Variants in MBNL3 observed in about 807,000 individuals in gnomAD.
MBNL3 encodes the protein muscleblind-like protein 3.
In MBNL3, 6 loss-of-function variants were observed where a neutral mutation model predicts 24.5. That is an observed-to-expected ratio of 0.25 (90% CI 0.13 to 0.48). MBNL3 has a LOEUF of 0.48. Ranked by LOEUF, MBNL3 falls within the 20% of genes least tolerant of loss-of-function variation. MBNL3 has a pLI of 0.99. For synonymous variants in MBNL3, 100 were observed against 101.7 expected (o/e 0.98, Z 0.10); for missense variants, 230 against 293.5 (o/e 0.78, Z 1.58).
At chrX:132,455,059 A>G (rs1946303990) in intron 1 of MBNL3, among the ~76,000 whole-genome samples, 1 of 112,417 alleles carries the variant, frequency 8.9e-6, no homozygotes, top group Non-Finnish European at 1.9e-5. Flanking sequence ...TTGGCCAAGT[A>G]GTCAATGTCC....
At chrX:132,400,338 G>A (rs1940663795) in intron 3 of MBNL3, among the ~76,000 whole-genome samples, 1 of 111,968 alleles carries the variant, frequency 8.9e-6, no homozygotes, top group Admixed American at 9.5e-5. Flanking sequence ...TCTATTAACA[G>A]AGATGGGGCA....
At chrX:132,451,183 A>G (rs1003587748) in intron 1 of MBNL3, among the ~76,000 whole-genome samples, 1 of 112,740 alleles carries the variant, frequency 8.9e-6, no homozygotes, top group Non-Finnish European at 1.9e-5. Context: ...GTCCCTTAGC[A>G]GAGCTCAAGC....
In MBNL3 at chrX:132,440,321, G is replaced by GA. The variant is rs748752126; in HGVS notation, c.-703-8dup. Among the ~76,000 whole-genome samples, 1 of 110,631 alleles carries GA rather than the reference G, an allele frequency of 9.0e-6. No homozygotes were observed. The highest frequency in any genetic ancestry group is 3.3e-5 in the African/African-American group (1 of 30,433). ...AAAAGGCACTTTTCAGAACCTGCAA[G>GA]AAAAAAATAAATAAAATTAGCTAAA... On this transcript the variant is annotated splice_region_variant and splice_polypyrimidine_tract_variant and intron_variant, in intron 1 of 8. Coordinates refer to ENST00000370853, the MANE Select transcript of MBNL3 (RefSeq NM_001386889.1).
chrX:132,389,772 G>A (rs749442616), intron 5 of MBNL3, among the ~76,000 whole-genome samples: 1 of 111,515 alleles, frequency 9.0e-6, no homozygotes, highest in South Asian at 3.8e-4. Context: ...CTTAAGTCAC[G>A]AGAATTCCTG....
chrX:132,466,513 T>A (rs1946892185), intron 1 of MBNL3, among the ~76,000 whole-genome samples: 1 of 112,366 alleles, frequency 8.9e-6, no homozygotes, highest in African/African-American at 3.2e-5. Flanking sequence ...AGGTATTGAA[T>A]CAAGAGTCTT....
intron 1 of MBNL3, among the ~76,000 whole-genome samples, chrX:132,465,041 T>C (rs1946818063): frequency 9.0e-6 from 1 of 111,604 alleles, no homozygotes; most frequent in African/African-American, 3.3e-5. Flanking sequence ...CAGGACTCCA[T>C]CTCAAAGTAA....
chrX:132,433,213 G>A (rs1258428678), intron 2 of MBNL3, among the ~76,000 whole-genome samples: 1 of 111,743 alleles, frequency 8.9e-6, no homozygotes, highest in Non-Finnish European at 1.9e-5. Context: ...CTACCAACTG[G>A]CCATGGCAAC....
chrX:132,383,609 A>G (rs1935422597), intron 7 of MBNL3, among the ~76,000 whole-genome samples: 1 of 112,349 alleles, frequency 8.9e-6, no homozygotes, highest in African/African-American at 3.2e-5. Context: ...GTTGGTATTA[A>G]TGGAAATGTT....
chrX:132,441,508 T>C (rs1308396996), intron 1 of MBNL3, among the ~76,000 whole-genome samples: 1 of 112,571 alleles, frequency 8.9e-6, no homozygotes. Flanking sequence ...TGCAGGACCA[T>C]GTTCTAGAGC....
At chrX:132,392,527 C>T (rs148678637) in intron 3 of MBNL3, among the ~76,000 whole-genome samples, 193 bp from the exon 4 acceptor site, 1,540 of 112,190 alleles carry the variant, frequency 0.014, 29 homozygotes, top group African/African-American at 0.047. Flanking sequence ...AATCTCTTTA[C>T]GTACTAACTT....
intron 2 of MBNL3, among the ~76,000 whole-genome samples, chrX:132,418,109 A>T (rs1162111008): frequency 8.9e-6 from 1 of 112,265 alleles, no homozygotes; most frequent in East Asian, 2.8e-4. Context: ...ACAATTGTTG[A>T]TACACATTTA....
intron 3 of MBNL3, among the ~76,000 whole-genome samples, chrX:132,399,214 C>G (rs760270915): frequency 1.8e-5 from 2 of 111,568 alleles, no homozygotes; most frequent in East Asian, 5.7e-4. Flanking sequence ...TTGAATAAAT[C>G]CTTCAGTCTT....
chrX:132,425,942 T>G (rs1375631796), intron 2 of MBNL3, among the ~76,000 whole-genome samples: 2 of 111,862 alleles, frequency 1.8e-5, no homozygotes, highest in African/African-American at 6.5e-5. Flanking sequence ...TTTGCAAATA[T>G]CAGCAATTTG....
chrX:132,398,032 G>GA (rs950290005), intron 3 of MBNL3, among the ~76,000 whole-genome samples: 21 of 110,131 alleles, frequency 1.9e-4, no homozygotes, highest in African/African-American at 1.3e-4. Flanking sequence ...AGAGAGCTAA[G>GA]AAAAAAAAAG....
At chrX:132,445,916 G>C (rs1945688655) in intron 1 of MBNL3, among the ~76,000 whole-genome samples, 1 of 111,187 alleles carries the variant, frequency 9.0e-6, no homozygotes, top group Admixed American at 9.5e-5. Flanking sequence ...ATCTACATTA[G>C]GTATTTCTCC....
chrX:132,420,976 G>A (rs943854630), intron 2 of MBNL3, among the ~76,000 whole-genome samples: 1 of 111,980 alleles, frequency 8.9e-6, no homozygotes, highest in African/African-American at 3.2e-5. Flanking sequence ...TTGTTCCCAA[G>A]AAGAAATGAA....
chrX:132,464,080 A>G (rs1946768681), intron 1 of MBNL3, among the ~76,000 whole-genome samples: 1 of 112,751 alleles, frequency 8.9e-6, no homozygotes, highest in African/African-American at 3.2e-5. Context: ...AATGTGAAAT[A>G]GATTCATTTA....
intron 2 of MBNL3, among the ~76,000 whole-genome samples, chrX:132,413,918 G>C (rs1317068901): frequency 8.9e-6 from 1 of 111,818 alleles, no homozygotes; most frequent in Non-Finnish European, 1.9e-5. Flanking sequence ...AGAGGTGAGG[G>C]GTGGTTAATC....
chrX:132,401,812 C>T (rs762415695), intron 3 of MBNL3, among the ~76,000 whole-genome samples: 5 of 110,741 alleles, frequency 4.5e-5, no homozygotes, highest in South Asian at 3.8e-4. Flanking sequence ...CTCCCTTCCT[C>T]GTACCTATTT....
Sources: allele counts gnomAD v4.1 joint callset (sites outside exome capture counted in the v4.1 genomes callset), GRCh38; gene constraint gnomAD v4.1.1; transcripts MANE v1.5; gene names NCBI Gene and HGNC (gene_info 2026-07-23, HGNC 2026-07-21).